The following ARNT variants were observed in gnomAD, a reference collection of about 807,000 sequenced individuals.
The protein encoded by ARNT is aryl hydrocarbon receptor nuclear translocator.
ARNT carries 30 observed loss-of-function variants against 105.0 expected under a neutral mutation model. The observed-to-expected ratio is 0.29, with a 90% confidence interval of 0.21 to 0.39. ARNT has a LOEUF of 0.39. Among genes scored for constraint, ARNT ranks in the 10% least tolerant of loss-of-function variants. The pLI, the probability that ARNT is intolerant of heterozygous loss-of-function variation, is 1.00. For missense variants in ARNT, 748 were observed against 978.7 expected, an observed-to-expected ratio of 0.76 and a Z score of 3.15; for synonymous variants, 304 against 344.0, an observed-to-expected ratio of 0.88 and a Z score of 1.29.
chr1:150,855,214 T>C (rs985992219), intron 2 of ARNT, among the ~76,000 whole-genome samples: 4 of 152,174 alleles, frequency 2.6e-5, no homozygotes, highest in Non-Finnish European at 5.9e-5. Flanking sequence ...ACAATTTAGA[T>C]GTCCCAAAAT....
chr1:150,815,788 C>G (rs1268522390), intron 19 of ARNT, among the ~76,000 whole-genome samples: 2 of 146,788 alleles, frequency 1.4e-5, no homozygotes, highest in African/African-American at 2.5e-5. Flanking sequence ...GGCGTGAACC[C>G]GGGAGGCAGA....
rs1399426925 is a variant in ARNT, at chr1:150,812,123, A to G, written c.2281-13T>C. 2 of 1,551,338 alleles carry G rather than the reference A, an allele frequency of 1.3e-6. No homozygotes were observed. Among genetic ancestry groups the G allele is most frequent in the Non-Finnish European group, 1.7e-6 (2 of 1,145,982 alleles). ...TGGACAGCATCTCCTGATAAAAGAA[A>G]AAGATTAAGTTTGGGTCACACACCT... On this transcript the variant is annotated splice_polypyrimidine_tract_variant and intron_variant, in intron 21 of 21. Transcript: ENST00000358595.
chr1:150,822,231 A>G (rs1041086453), intron 14 of ARNT, among the ~76,000 whole-genome samples: 3 of 152,120 alleles, frequency 2.0e-5, no homozygotes, highest in Non-Finnish European at 2.9e-5. Flanking sequence ...CTGGATTTTT[A>G]CCAATTAAAA....
intron 14 of ARNT, among the ~76,000 whole-genome samples, chr1:150,821,531 T>C (rs1657061768): frequency 6.6e-6 from 1 of 152,252 alleles, no homozygotes; most frequent in Non-Finnish European, 1.5e-5. Context: ...CAGTATATAC[T>C]ATAGTTAACT....
rs587710538 is a variant in ARNT at position 150,836,546 on chromosome 1, T to C, written c.487-53A>G. 9.7e-6 allele frequency: 15 copies of C among 1,543,146 alleles called. No individual in the cohort carries two copies. In the Admixed American group the frequency reaches 2.1e-4, roughly 22 times the overall value. ...ATATTTTACTCTGAAAAAACAAGTATTTCTATTCACAGGAAGAAGTAAGAC... is the reference window on the plus strand; with the variant it reads ...ATATTTTACTCTGAAAAAACAAGTACTTCTATTCACAGGAAGAAGTAAGAC... On this transcript the variant is annotated intron_variant, in intron 6 of 21. Transcript: ENST00000358595.
At chr1:150,853,969 G>C (rs1400000237) in intron 2 of ARNT, among the ~76,000 whole-genome samples, 1 of 152,116 alleles carries the variant, frequency 6.6e-6, no homozygotes, top group Admixed American at 6.5e-5. Flanking sequence ...TACACATACA[G>C]CATCAATCCT....
chr1:150,847,833 T>TA (rs2102076268), intron 3 of ARNT, among the ~76,000 whole-genome samples: 1 of 152,310 alleles, frequency 6.6e-6, no homozygotes, highest in Non-Finnish European at 1.5e-5. Context: ...AGAGACCTCT[T>TA]AGAGAATTAT....
rs1485124076 is a variant in ARNT, at chr1:150,814,074, C to T, written c.2113+3G>A. 4 of 1,613,944 alleles carry T rather than the reference C, an allele frequency of 2.5e-6. No individual in the cohort carries two copies. In the African/African-American group the frequency reaches 5.3e-5, roughly 22 times the overall value. ...TGTTACTCTCCTTATGGTCTGGACT[C>T]ACCAAAGTTAGATCCACGATTGGTG... On this transcript the variant is annotated splice_donor_region_variant and intron_variant, in intron 20 of 21. Coordinates refer to ENST00000358595, the MANE Select transcript of ARNT (RefSeq NM_001668.4).
chr1:150,871,787 A>C lies in ARNT; in HGVS notation c.25+4756T>G, dbSNP rs370470920. The stretch of plus-strand genomic sequence containing the variant: ...AGCCGGCGTGATGGCAGGTGCCTGT[A>C]ATCCCAGCTACTCGGGAGGCTGAGG... On this transcript the variant is annotated intron_variant, in intron 1 of 21. Transcript: ENST00000358595. Among the ~76,000 whole-genome samples the C allele has an allele frequency of 1.0e-3, 157 of 150,262 alleles. 2 individuals carry two copies. The South Asian group carries it at 0.023, about 22-fold the overall frequency.
chr1:150,813,630 G>T (rs1655199526), intron 20 of ARNT, among the ~76,000 whole-genome samples: 1 of 151,146 alleles, frequency 6.6e-6, no homozygotes, highest in Admixed American at 6.6e-5. Flanking sequence ...TTTTCATGTG[G>T]GTAGTTTTTT....
chr1:150,817,527 G>A (rs1656142943), intron 15 of ARNT, 94 bp from the exon 16 acceptor site: 4 of 1,232,200 alleles, frequency 3.2e-6, no homozygotes, highest in Non-Finnish European at 3.5e-6. Flanking sequence ...AATTAAACAG[G>A]CCGGGCATGG....
chr1:150,815,277 G>A (rs1056594878), intron 19 of ARNT, among the ~76,000 whole-genome samples: 1 of 151,950 alleles, frequency 6.6e-6, no homozygotes, highest in Non-Finnish European at 1.5e-5. Flanking sequence ...GGCTGGATGC[G>A]GTGGCTCATG....
chr1:150,848,439 A>G (rs1662669708), intron 3 of ARNT, among the ~76,000 whole-genome samples: 1 of 148,066 alleles, frequency 6.8e-6, no homozygotes, highest in Non-Finnish European at 1.5e-5. Context: ...GTGGGCAACA[A>G]GAGCGAGACT....
intron 18 of ARNT, 115 bp from the exon 19 acceptor site, chr1:150,816,521 GA>G: frequency 2.3e-6 from 3 of 1,288,702 alleles, no homozygotes; most frequent in African/African-American, 1.5e-5. Flanking sequence ...GCAGGTTAAG[GA>G]AAATTTGATA....
chr1:150,860,204 G>GA (rs200512038), intron 1 of ARNT, among the ~76,000 whole-genome samples: 34,940 of 120,706 alleles, frequency 0.29, 5,605 homozygotes, highest in South Asian at 0.48. Flanking sequence ...CCATGGAATA[G>GA]AAAAAAAAAA....
rs1157023372 is a variant in ARNT at position 150,817,965 on chromosome 1, G to A, written c.1460C>T (p.Thr487Ile). ...GCCCATCTCCAGGGGTAAATTAGCT[G>A]TGGGACCTAGTTGTGGCCTCTGGAT... ...NTIQRPQLGP[T>I]ANLPLEMGSG... Residue 487 changes from threonine (T) to isoleucine (I), a missense_variant, in exon 15 of 22, where the codon ACA (threonine) becomes ATA (isoleucine). Around this residue, in one of 4 missense-constraint regions of ARNT, gnomAD observed 360 missense variants for 411.9 expected, o/e 0.87. Transcript: ENST00000358595. The A allele has an allele frequency of 1.2e-6, 2 of 1,613,764 alleles. No individual in the cohort carries two copies. Among genetic ancestry groups the A allele is most frequent in the Non-Finnish European group, 8.5e-7 (1 of 1,179,984 alleles).
intron 11 of ARNT, chr1:150,829,592 G>C (rs759972259): frequency 1.4e-5 from 8 of 567,104 alleles, no homozygotes; most frequent in Non-Finnish European, 1.9e-5. Flanking sequence ...TTGTTAGTCA[G>C]GTAATGATAC....
chr1:150,858,503 C>T, intron 1 of ARNT, 43 bp from the exon 2 acceptor site: 4 of 1,421,082 alleles, frequency 2.8e-6, no homozygotes, highest in Non-Finnish European at 3.9e-6. Flanking sequence ...AAAAGACAGT[C>T]CTTGCTTATC....
chr1:150,819,006 AACTC>A (rs1656520701), intron 14 of ARNT, among the ~76,000 whole-genome samples: 1 of 152,170 alleles, frequency 6.6e-6, no homozygotes, highest in African/African-American at 2.4e-5. Context: ...AAAAATTTCT[AACTC>A]AATCCACTCT....
Sources: gnomAD v4.1 joint callset for allele counts (sites outside exome capture counted in the v4.1 genomes callset) on GRCh38, gnomAD v4.1.1 for gene constraint, gnomAD v4.1.1 regional missense constraint, MANE v1.5 for transcripts, NCBI Gene and HGNC (gene_info 2026-07-23, HGNC 2026-07-21) for gene names.